The following TRABD2A variants were observed in gnomAD, a reference collection of about 807,000 sequenced individuals.
TRABD2A encodes metalloprotease TIKI1.
TRABD2A carries 43 observed loss-of-function variants against 45.6 expected under a neutral mutation model. The ratio of observed to expected loss-of-function variants is 0.94; its 90% CI spans 0.74 to 1.22. The LOEUF is 1.22. Among genes scored for constraint, TRABD2A ranks in the 50% most tolerant of loss-of-function variants. The pLI, the probability that TRABD2A is intolerant of heterozygous loss-of-function variation, is 0.00. For synonymous variants in TRABD2A, 269 were observed against 265.0 expected (o/e 1.02, Z -0.15); for missense variants, 642 against 652.4 (o/e 0.98, Z 0.17).
chr2:84,847,345 A>G (rs1293442016), intron 2 of TRABD2A, among the ~76,000 whole-genome samples: 1 of 152,218 alleles, frequency 6.6e-6, no homozygotes, highest in African/African-American at 2.4e-5. Flanking sequence ...GAGAAGTCTG[A>G]ACCAGTCTAA....
intron 2 of TRABD2A, among the ~76,000 whole-genome samples, chr2:84,845,221 G>C (rs940603197): frequency 6.6e-6 from 1 of 152,166 alleles, no homozygotes; most frequent in Non-Finnish European, 1.5e-5. Flanking sequence ...CATGGTGGCA[G>C]GTGCCTGTAA....
chr2:84,864,581 C>T (rs114003435), intron 2 of TRABD2A, among the ~76,000 whole-genome samples: 2,238 of 152,204 alleles, frequency 0.015, 55 homozygotes, highest in African/African-American at 0.051. Context: ...CTTGCTGTGA[C>T]CCCAGGCCAG....
intron 1 of TRABD2A, among the ~76,000 whole-genome samples, chr2:84,873,436 A>C (rs1384590250): frequency 6.6e-6 from 1 of 152,140 alleles, no homozygotes; most frequent in Non-Finnish European, 1.5e-5. Context: ...GAAAAAAAAA[A>C]ATTAAAAACC....
Position 84,870,272 on chromosome 2 carries a change from T to C in TRABD2A, c.622A>G (p.Lys208Glu), listed in dbSNP as rs746631162. Residue 208 changes from lysine (K) to glutamate (E), a missense_variant, in exon 2 of 7, where the codon AAG (lysine) becomes GAG (glutamate). Physicochemically the swap from Lys to Glu is moderately conservative, Grantham distance 56 (BLOSUM62 1). Transcript: ENST00000409520. ...AATGGATGGCACTGCTCTTCCACCT[T>C]TTCCACTGCCCCAGTCTGTTTCCTC... Reference protein sequence around the residue: ...RLRKQTGAVEKVEEQCHPLNG... With the variant: ...RLRKQTGAVEEVEEQCHPLNG... 6.2e-7 allele frequency: 1 copy of C among 1,613,934 alleles called. No individual in the cohort carries two copies. Among genetic ancestry groups the C allele is most frequent in the South Asian group, 1.1e-5 (1 of 91,074 alleles).
chr2:84,869,591 G>C (rs1338636097), intron 2 of TRABD2A, among the ~76,000 whole-genome samples: 1 of 152,122 alleles, frequency 6.6e-6, no homozygotes, highest in East Asian at 1.9e-4. Flanking sequence ...TTCAAACCAG[G>C]CCATGCCCTG....
At chr2:84,861,982 A>G (rs764176627) in intron 2 of TRABD2A, among the ~76,000 whole-genome samples, 6 of 152,218 alleles carry the variant, frequency 3.9e-5, no homozygotes, top group Non-Finnish European at 5.9e-5. Flanking sequence ...AGGGAGGTAC[A>G]CAAAAAGTGT....
chr2:84,877,163 A>G (rs1049166028), intron 1 of TRABD2A, among the ~76,000 whole-genome samples: 39 of 152,118 alleles, frequency 2.6e-4, no homozygotes, highest in Non-Finnish European at 4.7e-4. Flanking sequence ...GGCTGAAAGA[A>G]GAGTCTTCAG....
At chr2:84,848,645 G>A (rs1224271713) in intron 2 of TRABD2A, among the ~76,000 whole-genome samples, 5 of 150,902 alleles carry the variant, frequency 3.3e-5, no homozygotes, top group East Asian at 1.9e-4. Context: ...GCATGGTCTC[G>A]GCTCACTGAA....
intron 1 of TRABD2A, chr2:84,875,069 G>T: frequency 5.8e-6 from 1 of 171,778 alleles, no homozygotes; most frequent in South Asian, 1.3e-4. Context: ...ATGGTGCAGT[G>T]GAATGCCCAG....
At chr2:84,843,883 G>C (rs1681795540) in intron 2 of TRABD2A, 1 of 152,338 alleles carries the variant, frequency 6.6e-6, no homozygotes, top group East Asian at 1.9e-4. Flanking sequence ...CTTCCACATA[G>C]TTTACCTCCC....
chr2:84,859,830 C>T (rs977031453), intron 2 of TRABD2A, among the ~76,000 whole-genome samples: 2 of 152,126 alleles, frequency 1.3e-5, no homozygotes, highest in Non-Finnish European at 2.9e-5. Flanking sequence ...GCTGCCAGTC[C>T]AGGGACACAC....
intron 2 of TRABD2A, among the ~76,000 whole-genome samples, chr2:84,851,529 A>C (rs947742881): frequency 1.3e-5 from 2 of 152,192 alleles, no homozygotes; most frequent in Admixed American, 1.3e-4. Flanking sequence ...TACCTTCTCA[A>C]GTCACTCACT....
intron 1 of TRABD2A, among the ~76,000 whole-genome samples, chr2:84,875,906 T>C (rs935625027): frequency 6.6e-6 from 1 of 151,112 alleles, no homozygotes; most frequent in African/African-American, 2.4e-5. Context: ...GGTAGGAAGA[T>C]GGTTTGAGCC....
intron 2 of TRABD2A, among the ~76,000 whole-genome samples, chr2:84,869,783 C>A (rs1217108615): frequency 6.4e-5 from 1 of 15,616 alleles, no homozygotes; most frequent in East Asian, 0.12. Flanking sequence ...AGTTCGAGAC[C>A]AGCCTGGCAA....
intron 2 of TRABD2A, among the ~76,000 whole-genome samples, chr2:84,858,839 C>T (rs1682400893): frequency 6.6e-6 from 1 of 152,182 alleles, no homozygotes; most frequent in Non-Finnish European, 1.5e-5. Context: ...GTGGTTGATT[C>T]CCATTTGGCC....
At chr2:84,827,704 AG>A (rs1681191265) in intron 5 of TRABD2A, among the ~76,000 whole-genome samples, 1 of 152,222 alleles carries the variant, frequency 6.6e-6, no homozygotes, top group Non-Finnish European at 1.5e-5. Context: ...AGAGTAGCCC[AG>A]GTTATCCAGG....
intron 2 of TRABD2A, among the ~76,000 whole-genome samples, chr2:84,867,975 ACACT>A (rs1682738788): frequency 6.6e-6 from 1 of 152,232 alleles, no homozygotes. Flanking sequence ...GAACGCTTTT[ACACT>A]GTTGGTGGGA....
chr2:84,841,725 T>A (rs1459094454), intron 3 of TRABD2A, 136 bp downstream of exon 3: 1 of 977,158 alleles, frequency 1.0e-6, no homozygotes, highest in Non-Finnish European at 1.4e-6. Context: ...TTCAATGACA[T>A]CTAAATCTGC....
chr2:84,839,353 A>G (rs1681632337), intron 3 of TRABD2A, 30 bp from the exon 4 acceptor site: 1 of 1,556,380 alleles, frequency 6.4e-7, no homozygotes, highest in Non-Finnish European at 8.7e-7. Flanking sequence ...AAAAAAAATA[A>G]GGGGCAACAG....
Sources: gnomAD v4.1 joint callset for allele counts (sites outside exome capture counted in the v4.1 genomes callset) on GRCh38, gnomAD v4.1.1 for gene constraint, MANE v1.5 for transcripts, NCBI Gene and HGNC (gene_info 2026-07-23, HGNC 2026-07-21) for gene names.